Variants in CFAP57 observed in about 807,000 individuals in gnomAD.
The protein encoded by CFAP57 is cilia- and flagella-associated protein 57.
In CFAP57, 116 loss-of-function variants were observed where a neutral mutation model predicts 146.8. The ratio of observed to expected loss-of-function variants is 0.79; its 90% CI spans 0.68 to 0.92. CFAP57 has a LOEUF of 0.92. Ranked by LOEUF, CFAP57 falls within the 40% of genes least tolerant of loss-of-function variation. The pLI is 0.00. For synonymous variants in CFAP57, 518 were observed against 552.8 expected, an observed-to-expected ratio of 0.94 and a Z score of 0.88; for missense variants, 1,377 against 1,527.2, an observed-to-expected ratio of 0.90 and a Z score of 1.64.
chr1:43,185,394 C>T, intron 5 of CFAP57, 38 bp downstream of exon 5: 1 of 1,587,366 alleles, frequency 6.3e-7, no homozygotes. Flanking sequence ...AAATGGGGGT[C>T]CTATTGGCAT....
chr1:43,180,770 G>C (rs1035337617), intron 2 of CFAP57, among the ~76,000 whole-genome samples: 1 of 152,116 alleles, frequency 6.6e-6, no homozygotes, highest in Non-Finnish European at 1.5e-5. Flanking sequence ...CCAGTAGTTG[G>C]CATCCCAACC....
chr1:43,200,735 G>A (rs1644085027), intron 9 of CFAP57, among the ~76,000 whole-genome samples: 1 of 152,186 alleles, frequency 6.6e-6, no homozygotes, highest in Non-Finnish European at 1.5e-5. Context: ...GGTTCATATG[G>A]CTGGAACACT....
At position 43,172,423 on chromosome 1, in the gene CFAP57, C is replaced by T. The variant is rs1247159311; in HGVS notation, c.-50C>T. 2 of 1,551,024 alleles carry T rather than the reference C, an allele frequency of 1.3e-6. No individual in the cohort carries two copies. Among genetic ancestry groups the T allele is most frequent in the South Asian group, 2.4e-5 (2 of 84,022 alleles). On this transcript the variant is annotated 5_prime_UTR_variant, in exon 1 of 23. Coordinates refer to ENST00000372492, the MANE Select transcript of CFAP57 (RefSeq NM_001378189.1). ...TACAGGTAGCGCCTCTGGATACATG[C>T]GTGGTCTGCTGACCCAGAGAGAAAC...
chr1:43,235,743 G>T (rs1025669357), intron 21 of CFAP57, among the ~76,000 whole-genome samples: 1 of 152,186 alleles, frequency 6.6e-6, no homozygotes, highest in Non-Finnish European at 1.5e-5. Flanking sequence ...ACTGCTTAGG[G>T]CCTGGAGTAC....
intron 2 of CFAP57, among the ~76,000 whole-genome samples, chr1:43,180,702 C>T (rs893952686): frequency 6.6e-6 from 1 of 152,060 alleles, no homozygotes; most frequent in African/African-American, 2.4e-5. Context: ...GTTTGGACTT[C>T]ACCTGGGAGG....
At chr1:43,221,091 CCCA>C (rs76385216) in intron 13 of CFAP57, among the ~76,000 whole-genome samples, 5,228 of 152,254 alleles carry the variant, frequency 0.034, 123 homozygotes, top group Admixed American at 0.043. Flanking sequence ...TACTTTTTCA[CCCA>C]GAAGTCCTTT....
chr1:43,232,023 G>T, intron 18 of CFAP57: 1 of 691,180 alleles, frequency 1.4e-6, no homozygotes, highest in Non-Finnish European at 2.6e-6. Context: ...TGCCTTAGAT[G>T]GGTGGTGCCC....
chr1:43,208,366 C>T (rs1644445670), intron 10 of CFAP57, among the ~76,000 whole-genome samples: 1 of 152,096 alleles, frequency 6.6e-6, no homozygotes, highest in African/African-American at 2.4e-5. Flanking sequence ...TTTATTGTGG[C>T]ACTATTCACA....
chr1:43,191,525 T>G (rs1352221853), intron 6 of CFAP57, among the ~76,000 whole-genome samples: 1 of 144,800 alleles, frequency 6.9e-6, no homozygotes, highest in Non-Finnish European at 1.5e-5. Context: ...AAGCAGGGCT[T>G]GCAGTGAGCC....
chr1:43,231,942 T>C, intron 18 of CFAP57: 1 of 515,538 alleles, frequency 1.9e-6, no homozygotes, highest in South Asian at 3.1e-5. Context: ...ACTTCTCAGT[T>C]GTACTTTTTA....
rs138501033 is a variant in CFAP57 at position 43,209,690 on chromosome 1, C to T, written c.1756-53C>T. ...AGGGCGAGAGAGTATGGCACTGGGA[C>T]GTGGGGGCCACAGCTCGACCCCTCA... On this transcript the variant is annotated intron_variant, in intron 10 of 22. Coordinates refer to ENST00000372492, the MANE Select transcript of CFAP57 (RefSeq NM_001378189.1). 2.0e-3 allele frequency: 3,079 copies of T among 1,541,696 alleles called. 81 individuals are homozygous for T. The Admixed American group carries it at 0.048, about 24-fold the overall frequency.
At chr1:43,227,363 C>T (rs1050595426) in intron 18 of CFAP57, among the ~76,000 whole-genome samples, 1 of 152,178 alleles carries the variant, frequency 6.6e-6, no homozygotes, top group Non-Finnish European at 1.5e-5. Flanking sequence ...TGGAGATGGG[C>T]TTTGGCCCTA....
At chr1:43,215,481 C>G in intron 12 of CFAP57, 65 bp downstream of exon 12, 1 of 1,506,536 alleles carries the variant, frequency 6.6e-7, no homozygotes, top group South Asian at 1.3e-5. Flanking sequence ...AGATGCAGGT[C>G]CAGCACTGGG....
intron 22 of CFAP57, among the ~76,000 whole-genome samples, chr1:43,246,641 C>A (rs574151220): frequency 2.4e-4 from 36 of 152,158 alleles, no homozygotes; most frequent in African/African-American, 8.7e-4. Context: ...GCGAATGACA[C>A]AAAAAGCACA....
intron 6 of CFAP57, among the ~76,000 whole-genome samples, chr1:43,187,066 T>C (rs1643175794): frequency 6.6e-6 from 1 of 152,188 alleles, no homozygotes; most frequent in South Asian, 2.1e-4. Context: ...TACAGTAACT[T>C]TGGAGGACAG....
chr1:43,219,593 G>A (rs1355389161), intron 13 of CFAP57, 56 bp downstream of exon 13: 15 of 1,541,430 alleles, frequency 9.7e-6, no homozygotes, highest in Admixed American at 2.0e-5. Context: ...CCACTTTCAA[G>A]ACAGGACTGG....
chr1:43,233,264 G>C (rs1307056117), intron 19 of CFAP57, among the ~76,000 whole-genome samples: 1 of 152,196 alleles, frequency 6.6e-6, no homozygotes, highest in African/African-American at 2.4e-5. Context: ...GCCGAGGCAG[G>C]TGGATCACGA....
chr1:43,241,304 G>A (rs993963409), intron 21 of CFAP57, among the ~76,000 whole-genome samples: 18 of 152,144 alleles, frequency 1.2e-4, no homozygotes, highest in Admixed American at 3.3e-4. Flanking sequence ...AGGAGATTTC[G>A]AGGAGACAAA....
Position 43,221,363 on chromosome 1 carries a change from C to CT in CFAP57, c.2248-8dup. Reference sequence around the variant, plus strand: ...TGTGTGTAAATGAGGAAATGTGACTCTGTTTTAGGTCTTAAGAACAGAAAA... The same window carrying CT: ...TGTGTGTAAATGAGGAAATGTGACTCTTGTTTTAGGTCTTAAGAACAGAAAA... On this transcript the variant is annotated splice_polypyrimidine_tract_variant and intron_variant, in intron 13 of 22. Coordinates refer to ENST00000372492, the MANE Select transcript of CFAP57 (RefSeq NM_001378189.1). 6.5e-7 allele frequency: 1 copy of CT among 1,532,594 alleles called. No individual in the cohort carries two copies. The highest frequency in any genetic ancestry group is 8.8e-7 in the Non-Finnish European group (1 of 1,137,390). 94.9% of individuals were successfully genotyped at this position (1,532,594 alleles called of 1,614,324 possible). A position where few individuals can be genotyped will look rare whatever the true frequency, so the allele number is the denominator to read the frequency against.
Sources: gnomAD v4.1 joint callset for allele counts (sites outside exome capture counted in the v4.1 genomes callset) on GRCh38, gnomAD v4.1.1 for gene constraint, MANE v1.5 for transcripts, NCBI Gene and HGNC (gene_info 2026-07-23, HGNC 2026-07-21) for gene names.